MYO5B: variants seen among roughly 807,000 people sequenced by gnomAD.
MYO5B encodes myosin VB.
In MYO5B, 143 loss-of-function variants were observed where a neutral mutation model predicts 229.3. The ratio of observed to expected loss-of-function variants is 0.62; its 90% confidence interval spans 0.54 to 0.72. The LOEUF (loss-of-function observed/expected upper bound fraction) is 0.72, where lower values mean the gene tolerates loss of function less well. Among genes scored for constraint, MYO5B ranks in the 30% least tolerant of loss-of-function variants. The pLI, the probability that MYO5B is intolerant of heterozygous loss-of-function variation, is 0.00. For missense variants in MYO5B, 2,321 were observed against 2,331.0 expected (o/e 1.00, Z 0.09); for synonymous variants, 918 against 885.2 (o/e 1.04, Z -0.66).
rs937555175 is a variant in MYO5B at position 50,183,335 on chromosome 18, A to ATC, written c.27+11431_27+11432insGA. 7.2e-5 allele frequency among the ~76,000 whole-genome samples: 10 copies of ATC among 138,652 alleles called. 1 individual carries two copies. In the East Asian group the frequency reaches 1.8e-3, roughly 25 times the overall value. The allele number at this position is 138,652 out of a possible 152,430, so 91.0% of individuals were successfully genotyped here. A position where few individuals can be genotyped will look rare whatever the true frequency, so the allele number is the denominator to read the frequency against. ...TATATATATATATATATATATATATATATCTCCTTCAATACTATTCATTTT... is the reference window on the plus strand; with the variant it reads ...TATATATATATATATATATATATATATCTATCTCCTTCAATACTATTCATTTT... On this transcript the variant is annotated intron_variant, in intron 1 of 39. Transcript: ENST00000285039.
intron 1 of MYO5B, 49 bp downstream of exon 1, chr18:50,194,718 C>T (rs1291127374): frequency 1.5e-6 from 2 of 1,362,926 alleles, no homozygotes; most frequent in South Asian, 2.6e-5. Context: ...TAGGTGGCCC[C>T]GAGCGCGCCA....
intron 8 of MYO5B, among the ~76,000 whole-genome samples, chr18:49,981,716 C>A (rs1303709669): frequency 6.6e-6 from 1 of 152,160 alleles, no homozygotes; most frequent in Non-Finnish European, 1.5e-5. Context: ...GGATCGCTGG[C>A]TACTACACAG....
chr18:49,926,795 A>G lies in MYO5B; in HGVS notation c.2090+2717T>C, dbSNP rs564020140. ...AAGGAGTCTATTGAGGAATGAATGG[A>G]TAAGCAAAATGGGGTATAACCACAC... On this transcript the variant is annotated intron_variant, in intron 17 of 39. Coordinates refer to ENST00000285039, the MANE Select transcript of MYO5B (RefSeq NM_001080467.3). Among the ~76,000 whole-genome samples the G allele has an allele frequency of 2.6e-5, 4 of 152,364 alleles. No homozygotes were observed. In the South Asian group the frequency reaches 6.2e-4, roughly 24 times the overall value.
chr18:50,193,785 G>T (rs992568560), intron 1 of MYO5B, among the ~76,000 whole-genome samples: 1 of 152,248 alleles, frequency 6.6e-6, no homozygotes, highest in Non-Finnish European at 1.5e-5. Flanking sequence ...CACATGTGAA[G>T]AAAAGGCCTT....
intron 22 of MYO5B, among the ~76,000 whole-genome samples, chr18:49,883,305 G>A (rs2024608194): frequency 2.0e-5 from 3 of 152,092 alleles, no homozygotes; most frequent in Admixed American, 2.0e-4. Context: ...TCAGGTTGCA[G>A]GGTCCAATTT....
rs747427142 is a variant in MYO5B, at chr18:49,902,692, C to T, written c.2713G>A (p.Ala905Thr). The T allele has an allele frequency of 6.2e-7, 1 of 1,612,434 alleles. No homozygotes were observed. The highest frequency in any genetic ancestry group is 8.5e-7 in the Non-Finnish European group (1 of 1,180,044). Residue 905 changes from alanine to threonine, a missense_variant, in exon 21 of 40, where the codon GCC becomes ACC. Ala to Thr is a moderately conservative substitution (Grantham distance 58). This residue lies in a region of MYO5B where 2,113 missense variants were observed against 2,044.7 expected (regional missense o/e 1.03). Coordinates refer to ENST00000285039, the MANE Select transcript of MYO5B (RefSeq NM_001080467.3). Reference protein sequence around the residue: ...RMLKARRELKALRIEARSAEH... With the variant: ...RMLKARRELKTLRIEARSAEH... ...GCTGAGCGGGCCTCAATCCTGAGGG[C>T]CTTCAGCTCCCGCCTGGCCTTGAGC...
chr18:49,980,117 G>A (rs1439563442), intron 9 of MYO5B, among the ~76,000 whole-genome samples: 1 of 152,130 alleles, frequency 6.6e-6, no homozygotes, highest in Non-Finnish European at 1.5e-5. Flanking sequence ...CCTTGCAGTG[G>A]GGACCTCAGT....
At chr18:49,964,868 G>A (rs950847504) in intron 10 of MYO5B, among the ~76,000 whole-genome samples, 1 of 152,212 alleles carries the variant, frequency 6.6e-6, no homozygotes, top group Non-Finnish European at 1.5e-5. Flanking sequence ...ACCGTTAGAG[G>A]GGAGGATGGG....
chr18:49,932,638 CA>C (rs2025205936), intron 16 of MYO5B, among the ~76,000 whole-genome samples: 1 of 152,128 alleles, frequency 6.6e-6, no homozygotes, highest in African/African-American at 2.4e-5. Flanking sequence ...AACTATAAAG[CA>C]GTGGTGGCTG....
At position 50,194,799 on chromosome 18, in the gene MYO5B, G is replaced by T; in HGVS notation, c.-6C>A. 1 of 1,359,678 alleles carries T rather than the reference G, an allele frequency of 7.4e-7. No individual in the cohort carries two copies. Among genetic ancestry groups the T allele is most frequent in the Non-Finnish European group, 9.4e-7 (1 of 1,059,564 alleles). The allele number at this position is 1,359,678 out of a possible 1,614,324, so 84.2% of individuals were successfully genotyped here. ...TAGAGCTCGCCCACCGACATGGCCC[G>T]GGCCGGGCGGGGCTCGGGCCCCGGC... is the stretch of plus-strand genomic sequence containing the variant. On this transcript the variant is annotated 5_prime_UTR_variant, in exon 1 of 40. Coordinates refer to ENST00000285039, the MANE Select transcript of MYO5B (RefSeq NM_001080467.3).
intron 1 of MYO5B, among the ~76,000 whole-genome samples, chr18:50,109,887 C>T (rs777964203): frequency 6.6e-6 from 1 of 152,188 alleles, no homozygotes; most frequent in African/African-American, 2.4e-5. Context: ...AGAACAAGAA[C>T]AAATCATGTC....
intron 1 of MYO5B, among the ~76,000 whole-genome samples, chr18:50,132,203 C>T (rs2032264761): frequency 6.6e-6 from 1 of 152,142 alleles, no homozygotes; most frequent in African/African-American, 2.4e-5. Context: ...AAACAGTGGC[C>T]ACGGCAGTCC....
intron 8 of MYO5B, among the ~76,000 whole-genome samples, chr18:49,981,516 C>T (rs543684894): frequency 4.6e-5 from 7 of 152,316 alleles, no homozygotes; most frequent in African/African-American, 1.7e-4. Context: ...TGTTAGATGG[C>T]CACTACCATG....
At chr18:49,937,518 A>T in intron 14 of MYO5B, 121 bp from the exon 15 acceptor site, 2 of 1,179,170 alleles carry the variant, frequency 1.7e-6, no homozygotes, top group Non-Finnish European at 2.4e-6. Flanking sequence ...GCCAAAACCC[A>T]CACACCAACC....
At chr18:50,015,315 C>G (rs923662933) in intron 4 of MYO5B, among the ~76,000 whole-genome samples, 1 of 152,168 alleles carries the variant, frequency 6.6e-6, no homozygotes, top group African/African-American at 2.4e-5. Flanking sequence ...AGTAGGGGAA[C>G]TGTTTTATTT....
Position 49,869,666 on chromosome 18 carries a change from G to A in MYO5B, c.3603+2501C>T, listed in dbSNP as rs114608941. On this transcript the variant is annotated intron_variant, in intron 27 of 39. Transcript: ENST00000285039. ...GCTAAATGAGAGGAGGAGTTTTTGC[G>A]CTGATTTTAATGCAGGAGTCCGGGA... 3.2e-3 allele frequency among the ~76,000 whole-genome samples: 488 copies of A among 152,298 alleles called. 5 individuals are homozygous for A. Among genetic ancestry groups the A allele is most frequent in the African/African-American group, 0.011 (453 of 41,556 alleles).
chr18:49,876,339 C>G, intron 25 of MYO5B: 1 of 244,150 alleles, frequency 4.1e-6, no homozygotes, highest in Admixed American at 5.2e-5. Context: ...CTTAAAGCAT[C>G]TATTTCCCAG....
chr18:49,855,606 G>A (rs1335167162), intron 30 of MYO5B, among the ~76,000 whole-genome samples: 1 of 152,116 alleles, frequency 6.6e-6, no homozygotes, highest in African/African-American at 2.4e-5. Flanking sequence ...CCATGGTTAC[G>A]TATCAGGCAT....
At chr18:49,931,542 T>G (rs1054663772) in intron 16 of MYO5B, among the ~76,000 whole-genome samples, 1 of 152,012 alleles carries the variant, frequency 6.6e-6, no homozygotes, top group Non-Finnish European at 1.5e-5. Context: ...AGCCCCTTAG[T>G]GCGAGGGCCT....
Sources: gnomAD v4.1 joint callset for allele counts (sites outside exome capture counted in the v4.1 genomes callset) on GRCh38, gnomAD v4.1.1 for gene constraint, gnomAD v4.1.1 regional missense constraint, MANE v1.5 for transcripts, NCBI Gene and HGNC (gene_info 2026-07-23, HGNC 2026-07-21) for gene names.